The following AUTS2 variants were observed in gnomAD, a reference collection of about 807,000 sequenced individuals.
The protein encoded by AUTS2 is activator of transcription and developmental regulator AUTS2.
A neutral mutation model predicts 112.4 loss-of-function variants in AUTS2; 17 were observed. The ratio of observed to expected loss-of-function variants is 0.15; its 90% CI spans 0.10 to 0.23. The LOEUF is 0.23. Ranked by LOEUF, AUTS2 falls within the 10% of genes least tolerant of loss-of-function variation. The pLI is 1.00. For synonymous variants in AUTS2, 751 were observed against 702.7 expected (o/e 1.07, Z -1.09); for missense variants, 1,510 against 1,701.6 (o/e 0.89, Z 1.98).
chr7:70,044,363 G>A (rs1801406059), intron 2 of AUTS2, among the ~76,000 whole-genome samples: 1 of 152,138 alleles, frequency 6.6e-6, no homozygotes, highest in Non-Finnish European at 1.5e-5. Context: ...GAGGATGTTT[G>A]TTCTTTTTCC....
At chr7:70,045,843 G>A (rs926092856) in intron 2 of AUTS2, among the ~76,000 whole-genome samples, 48 of 144,690 alleles carry the variant, frequency 3.3e-4, no homozygotes, top group African/African-American at 1.2e-3. Context: ...TGCCAGGCTG[G>A]TATCAAACTC....
chr7:69,996,184 G>T (rs1348196127), intron 2 of AUTS2, among the ~76,000 whole-genome samples: 1 of 152,166 alleles, frequency 6.6e-6, no homozygotes, highest in Non-Finnish European at 1.5e-5. Flanking sequence ...GTCATAAGAG[G>T]CAGTGCAGTT....
At chr7:70,285,863 C>T (rs1788434248) in intron 4 of AUTS2, among the ~76,000 whole-genome samples, 1 of 152,174 alleles carries the variant, frequency 6.6e-6, no homozygotes, top group African/African-American at 2.4e-5. Flanking sequence ...TCACTGTGCC[C>T]TCCTAATGCT....
At chr7:69,895,138 A>C (rs1277328156) in intron 1 of AUTS2, among the ~76,000 whole-genome samples, 1 of 152,102 alleles carries the variant, frequency 6.6e-6, no homozygotes, top group Non-Finnish European at 1.5e-5. Context: ...ACAATTACAC[A>C]GGCATGTAGT....
At chr7:70,662,765 T>G (rs944906181) in intron 5 of AUTS2, among the ~76,000 whole-genome samples, 1 of 152,194 alleles carries the variant, frequency 6.6e-6, no homozygotes, top group Non-Finnish European at 1.5e-5. Context: ...CTCCTGTCCT[T>G]GCCTTGTCAG....
chr7:70,697,254 T>C (rs1470849870), intron 5 of AUTS2, among the ~76,000 whole-genome samples: 4 of 152,258 alleles, frequency 2.6e-5, no homozygotes, highest in Admixed American at 6.5e-5. Flanking sequence ...CTAGGGTTTA[T>C]GTTAAACTGC....
At position 69,598,816 on chromosome 7, in the gene AUTS2, T is replaced by G. The variant is rs1792190134; in HGVS notation, c.-838T>G. ...GCAGCGACAGGGTTTGCTTCTTCTC[T>G]TCTTTCATCTCCCTCTCCTCCCCCC... is the stretch of plus-strand genomic sequence containing the variant. On this transcript the variant is annotated 5_prime_UTR_variant, in exon 1 of 19. Coordinates refer to ENST00000342771, the MANE Select transcript of AUTS2 (RefSeq NM_015570.4). 1 of 150,756 alleles carries G rather than the reference T, an allele frequency of 6.6e-6. No homozygotes were observed. The highest frequency in any genetic ancestry group is 1.5e-5 in the Non-Finnish European group (1 of 67,962). The allele number at this position is 150,756 out of a possible 1,614,324, so 9.3% of individuals were successfully genotyped here.
intron 1 of AUTS2, among the ~76,000 whole-genome samples, chr7:69,627,932 A>G (rs1023840311): frequency 9.2e-5 from 14 of 152,224 alleles, no homozygotes; most frequent in African/African-American, 3.4e-4. Context: ...GGTTGTGGTT[A>G]TGTCATTTTT....
At chr7:69,676,011 A>G (rs1303531148) in intron 1 of AUTS2, among the ~76,000 whole-genome samples, 1 of 152,194 alleles carries the variant, frequency 6.6e-6, no homozygotes, top group Non-Finnish European at 1.5e-5. Flanking sequence ...GCAGGTAGAC[A>G]GGAAGACTGA....
chr7:70,493,044 C>T (rs187153023), intron 5 of AUTS2, among the ~76,000 whole-genome samples: 205 of 152,248 alleles, frequency 1.3e-3, no homozygotes, highest in Non-Finnish European at 2.7e-3. Context: ...GAACTTGCCA[C>T]TGATAATTAT....
Position 69,847,286 on chromosome 7 carries a change from C to T in AUTS2, c.310-52000C>T, listed in dbSNP as rs147720011. 1.9e-3 allele frequency among the ~76,000 whole-genome samples: 293 copies of T among 152,280 alleles called. 5 individuals carry two copies. The East Asian group carries it at 0.033, about 17-fold the overall frequency. On this transcript the variant is annotated intron_variant, in intron 1 of 18. Transcript: ENST00000342771. The stretch of plus-strand genomic sequence containing the variant: ...TCAGTTCCTGAGGTATTACACTGAG[C>T]GTGTGGATAGAGAGAGGAAAAAGAC...
At chr7:70,103,851 A>C (rs921685149) in intron 2 of AUTS2, among the ~76,000 whole-genome samples, 4 of 151,882 alleles carry the variant, frequency 2.6e-5, no homozygotes, top group African/African-American at 9.7e-5. Context: ...TGGAGGTTGC[A>C]GTGAGCCAAG....
intron 4 of AUTS2, among the ~76,000 whole-genome samples, chr7:70,229,040 T>C: frequency 6.6e-6 from 1 of 151,886 alleles, no homozygotes; most frequent in East Asian, 1.9e-4. Flanking sequence ...TTAATCTTTC[T>C]ATATTATATG....
At chr7:70,326,112 T>G (rs1377814942) in intron 4 of AUTS2, among the ~76,000 whole-genome samples, 2 of 152,316 alleles carry the variant, frequency 1.3e-5, no homozygotes, top group African/African-American at 4.8e-5. Context: ...GATGAACTTT[T>G]TTTTTTGTCC....
chr7:70,140,126 T>C (rs576171204), intron 4 of AUTS2, among the ~76,000 whole-genome samples: 4 of 152,232 alleles, frequency 2.6e-5, no homozygotes, highest in Non-Finnish European at 4.4e-5. Context: ...GGTTGTCTTA[T>C]ATATAATACC....
intron 4 of AUTS2, among the ~76,000 whole-genome samples, chr7:70,277,768 A>G (rs77578411): frequency 1.3e-5 from 2 of 152,202 alleles, no homozygotes; most frequent in Non-Finnish European, 2.9e-5. Context: ...GTTGTTGTGT[A>G]TGTCAGGGCC....
chr7:70,546,822 G>A (rs1402948091), intron 5 of AUTS2, among the ~76,000 whole-genome samples: 3 of 152,088 alleles, frequency 2.0e-5, no homozygotes, highest in African/African-American at 7.2e-5. Context: ...CAGCCAGAGA[G>A]AGCCACTGTA....
chr7:69,960,412 C>CA (rs1260389287), intron 2 of AUTS2, among the ~76,000 whole-genome samples: 1 of 152,058 alleles, frequency 6.6e-6, no homozygotes, highest in Non-Finnish European at 1.5e-5. Context: ...AGCTAGTAGT[C>CA]AATGAATATT....
At chr7:70,094,281 G>C (rs1294196171) in intron 2 of AUTS2, among the ~76,000 whole-genome samples, 2 of 152,208 alleles carry the variant, frequency 1.3e-5, no homozygotes, top group Admixed American at 6.5e-5. Flanking sequence ...TTTGCTGTAT[G>C]CTTTAGAAAC....
Sources: gnomAD v4.1 joint callset for allele counts (sites outside exome capture counted in the v4.1 genomes callset) on GRCh38, gnomAD v4.1.1 for gene constraint, MANE v1.5 for transcripts, NCBI Gene and HGNC (gene_info 2026-07-23, HGNC 2026-07-21) for gene names.